The following CBR3 variants were observed in gnomAD, a reference collection of about 807,000 sequenced individuals.
CBR3 encodes carbonyl reductase 3.
Under a neutral mutation model 11.6 loss-of-function variants are expected in CBR3, and 14 were observed. The ratio of observed to expected loss-of-function variants is 1.20; its 90% CI spans 0.79 to 1.88. The LOEUF is 1.88. Ranked by LOEUF, CBR3 falls within the 40% of genes most tolerant of loss-of-function variation. The pLI, the probability that CBR3 is intolerant of heterozygous loss-of-function variation, is 0.00. For missense variants in CBR3, 308 were observed against 357.3 expected (o/e 0.86, Z 1.11); for synonymous variants, 125 against 145.6 (o/e 0.86, Z 1.02).
intron 1 of CBR3, 157 bp downstream of exon 1, chr21:36,135,638 CTTTCCG>C: frequency 1.4e-6 from 1 of 703,034 alleles, no homozygotes; most frequent in Non-Finnish European, 2.2e-6. Context: ...GCGGTTTTCG[CTTTCCG>C]TGATTCGCTG....
Position 36,135,403 on chromosome 21 carries a change from C to G in CBR3, c.211C>G (p.Arg71Gly), listed in dbSNP as rs757355806. The G allele has an allele frequency of 2.5e-6, 4 of 1,613,540 alleles. 1 individual carries two copies. In the South Asian group the frequency reaches 4.4e-5, roughly 18 times the overall value. The change falls in exon 1 of 3, where the codon CGC (arginine) becomes GGC (glycine). Residue 71 changes from arginine (R) to glycine (G), a missense_variant. Coordinates refer to ENST00000290354, the MANE Select transcript of CBR3 (RefSeq NM_001236.4). ...GGACATCGACGACTTGCAGAGCATC[C>G]GCGCCCTGCGCGACTTCCTGCGCAA... ...QLDIDDLQSI[R>G]ALRDFLRKEY...
intron 2 of CBR3, among the ~76,000 whole-genome samples, chr21:36,145,533 T>G (rs1372235720): frequency 1.3e-5 from 2 of 151,924 alleles, no homozygotes; most frequent in Non-Finnish European, 2.9e-5. Flanking sequence ...AGAGACAGAG[T>G]TTTGCCACGT....
intron 1 of CBR3, chr21:36,137,204 G>C (rs1216859697): frequency 2.0e-5 from 3 of 152,382 alleles, no homozygotes; most frequent in Non-Finnish European, 4.4e-5. Flanking sequence ...GGCCAGGTGC[G>C]ATGGCTCACG....
At chr21:36,136,038 C>T (rs2065657639) in intron 1 of CBR3, among the ~76,000 whole-genome samples, 1 of 152,160 alleles carries the variant, frequency 6.6e-6, no homozygotes, top group South Asian at 2.1e-4. Context: ...CGAGCCTTCT[C>T]GTTCCCCCAC....
At chr21:36,140,236 T>C (rs1299240902) in intron 2 of CBR3, among the ~76,000 whole-genome samples, 1 of 152,084 alleles carries the variant, frequency 6.6e-6, no homozygotes, top group African/African-American at 2.4e-5. Context: ...GTTGCACTTG[T>C]ACTCTGTCAG....
chr21:36,143,090 A>G (rs2065726135), intron 2 of CBR3, among the ~76,000 whole-genome samples: 1 of 152,158 alleles, frequency 6.6e-6, no homozygotes, highest in African/African-American at 2.4e-5. Context: ...AGAGCACCTG[A>G]GGTCAGGAGT....
intron 1 of CBR3, 25 bp from the exon 2 acceptor site, chr21:36,137,794 CTTTCTT>C (rs762877105): frequency 1.5e-6 from 2 of 1,306,644 alleles, no homozygotes; most frequent in Non-Finnish European, 2.2e-6. Context: ...AAAAATATGA[CTTTCTT>C]TTTGTTTCTT....
rs768362650 is a variant in CBR3, at chr21:36,146,487, A to T, written c.809A>T (p.His270Leu). The T allele has an allele frequency of 1.9e-6, 3 of 1,604,188 alleles. No individual in the cohort carries two copies. The South Asian group carries it at 3.3e-5, about 18-fold the overall frequency. ...DATEPQGQLV[H>L]DKVVQNW ...ACTGAGCCACAAGGCCAGTTGGTCC[A>T]TGACAAAGTTGTGCAAAACTGGTAA... Residue 270 changes from histidine (H) to leucine (L), a missense_variant, in exon 3 of 3, where the codon CAT (histidine) becomes CTT (leucine). His to Leu is a moderately conservative substitution (Grantham distance 99). Transcript: ENST00000290354.
At chr21:36,144,399 A>C (rs1009459605) in intron 2 of CBR3, among the ~76,000 whole-genome samples, 2 of 152,160 alleles carry the variant, frequency 1.3e-5, no homozygotes, top group African/African-American at 4.8e-5. Context: ...CGGAGGTTGC[A>C]GTGAGCCGAG....
intron 1 of CBR3, among the ~76,000 whole-genome samples, chr21:36,137,590 C>G (rs2065671417): frequency 6.6e-6 from 1 of 152,056 alleles, no homozygotes; most frequent in Non-Finnish European, 1.5e-5. Context: ...AGCCCTTACT[C>G]CAGCCCTTTG....
chr21:36,146,400 T>A lies in CBR3; in HGVS notation c.722T>A (p.Ile241Asn), dbSNP rs2123355596. ...VKTDMDGKDS[I>N]RTVEEGAETP... Reference sequence around the variant, plus strand: ...ACAGACATGGATGGGAAAGACAGCATCAGGACTGTGGAGGAGGGGGCTGAG... The same window carrying A: ...ACAGACATGGATGGGAAAGACAGCAACAGGACTGTGGAGGAGGGGGCTGAG... The change falls in exon 3 of 3, where the codon ATC becomes AAC. Residue 241 changes from isoleucine (I) to asparagine (N), a missense_variant. Coordinates refer to ENST00000290354, the MANE Select transcript of CBR3 (RefSeq NM_001236.4). 6.2e-7 allele frequency: 1 copy of A among 1,614,138 alleles called. No individual in the cohort carries two copies. The highest frequency in any genetic ancestry group is 8.5e-7 in the Non-Finnish European group (1 of 1,180,002).
intron 2 of CBR3, among the ~76,000 whole-genome samples, chr21:36,145,411 C>T (rs2065746263): frequency 1.3e-5 from 2 of 152,158 alleles, no homozygotes; most frequent in Admixed American, 6.5e-5. Flanking sequence ...GTGATCATGG[C>T]TCACTGCAAT....
At chr21:36,145,376 CTGGAGTGTAG>C (rs946818808) in intron 2 of CBR3, among the ~76,000 whole-genome samples, 1 of 152,110 alleles carries the variant, frequency 6.6e-6, no homozygotes, top group African/African-American at 2.4e-5. Context: ...GTCACCCAGG[CTGGAGTGTAG>C]TGGAGTGTAG....
At chr21:36,145,625 C>G (rs1022138863) in intron 2 of CBR3, among the ~76,000 whole-genome samples, 1 of 152,028 alleles carries the variant, frequency 6.6e-6, no homozygotes, top group Admixed American at 6.6e-5. Flanking sequence ...CAGATATAAG[C>G]CACAGCATCC....
In CBR3 at chr21:36,138,003, G is replaced by A. The variant is rs2065675916; in HGVS notation, c.397+71G>A. The A allele has an allele frequency of 3.6e-6, 3 of 826,102 alleles. No individual in the cohort carries two copies. In the South Asian group the frequency reaches 4.2e-5, roughly 11 times the overall value. 51.2% of individuals were successfully genotyped at this position (826,102 alleles called of 1,614,324 possible). On this transcript the variant is annotated intron_variant, in intron 2 of 2. Transcript: ENST00000290354. Reference sequence around the variant, plus strand: ...GTGGGCTACAGGCTTCCCGGAGCAGGGCTACCCTGCAGAAATCACTCAGGG... The same window carrying A: ...GTGGGCTACAGGCTTCCCGGAGCAGAGCTACCCTGCAGAAATCACTCAGGG...
At chr21:36,142,437 A>AAAAAAAAC (rs2065719214) in intron 2 of CBR3, among the ~76,000 whole-genome samples, 1 of 82,250 alleles carries the variant, frequency 1.2e-5, no homozygotes, top group African/African-American at 3.6e-5. Flanking sequence ...ATCTCAAAAA[A>AAAAAAAAC]AAAAAAAAAA....
At position 36,138,028 on chromosome 21, in the gene CBR3, G is replaced by C. The variant is rs886191429; in HGVS notation, c.397+96G>C. 9.5e-5 allele frequency: 66 copies of C among 694,108 alleles called. No homozygotes were observed. The African/African-American group carries it at 1.1e-3, about 12-fold the overall frequency. The allele number at this position is 694,108 out of a possible 1,614,324, so 43.0% of individuals were successfully genotyped here. A position where few individuals can be genotyped will look rare whatever the true frequency, so the allele number is the denominator to read the frequency against. On this transcript the variant is annotated intron_variant, in intron 2 of 2. Transcript: ENST00000290354. ...GGCTACCCTGCAGAAATCACTCAGG[G>C]GTGCTATTTCTCTGAAGGGGGAAAA...
chr21:36,137,739 G>C, intron 1 of CBR3, 86 bp from the exon 2 acceptor site: 1 of 758,358 alleles, frequency 1.3e-6, no homozygotes, highest in South Asian at 1.5e-5. Context: ...TTTTCCTTTA[G>C]TTGTTAGGAG....
At chr21:36,143,475 A>G (rs997223081) in intron 2 of CBR3, among the ~76,000 whole-genome samples, 4 of 152,304 alleles carry the variant, frequency 2.6e-5, no homozygotes, top group East Asian at 1.9e-4. Flanking sequence ...TTTGGCCTAC[A>G]TATTTGTTTC....
Sources: allele counts gnomAD v4.1 joint callset (sites outside exome capture counted in the v4.1 genomes callset), GRCh38; gene constraint gnomAD v4.1.1; transcripts MANE v1.5; gene names NCBI Gene and HGNC (gene_info 2026-07-23, HGNC 2026-07-21).